The following DNAJC16 variants were observed in gnomAD, a reference collection of about 807,000 sequenced individuals.
DNAJC16 encodes the protein DnaJ heat shock protein family (Hsp40) member C16.
In DNAJC16, 76 loss-of-function variants were observed where a neutral mutation model predicts 92.7. The observed-to-expected ratio is 0.82, with a 90% CI of 0.68 to 0.99. The LOEUF is 0.99. Among genes scored for constraint, DNAJC16 ranks in the 50% least tolerant of loss-of-function variants. DNAJC16 has a pLI of 0.00. For synonymous variants in DNAJC16, 328 were observed against 358.7 expected, an observed-to-expected ratio of 0.91 and a Z score of 0.97; for missense variants, 869 against 942.4, an observed-to-expected ratio of 0.92 and a Z score of 1.02.
At chr1:15,560,155 G>A (rs1638659943) in intron 8 of DNAJC16, 1 of 151,362 alleles carries the variant, frequency 6.6e-6, no homozygotes. Flanking sequence ...GCACCAAATT[G>A]TCAGATGTGC....
At chr1:15,536,910 G>A in intron 4 of DNAJC16, 96 bp downstream of exon 4, 1 of 1,112,212 alleles carries the variant, frequency 9.0e-7, no homozygotes, top group South Asian at 1.7e-5. Flanking sequence ...GAGTACAGTG[G>A]TGTGATCTCG....
chr1:15,561,784 T>A (rs1226617003), intron 8 of DNAJC16, among the ~76,000 whole-genome samples: 1 of 152,008 alleles, frequency 6.6e-6, no homozygotes, highest in Non-Finnish European at 1.5e-5. Flanking sequence ...TCCCAACACT[T>A]TGGGAGCCTG....
chr1:15,565,251 G>C (rs78404635), intron 11 of DNAJC16: 1 of 152,508 alleles, frequency 6.6e-6, no homozygotes. Flanking sequence ...GGGAACCTCT[G>C]GTGCCCAGCA....
At chr1:15,549,441 C>A (rs1248761164) in intron 7 of DNAJC16, among the ~76,000 whole-genome samples, 2 of 152,188 alleles carry the variant, frequency 1.3e-5, no homozygotes, top group Non-Finnish European at 2.9e-5. Context: ...TGATCCACCC[C>A]ACTTACCCCT....
At chr1:15,532,631 T>G (rs1333691381) in intron 2 of DNAJC16, among the ~76,000 whole-genome samples, 1 of 152,210 alleles carries the variant, frequency 6.6e-6, no homozygotes, top group Admixed American at 6.5e-5. Context: ...ATTTGTATGA[T>G]TGCATAATTT....
intron 3 of DNAJC16, 121 bp from the exon 4 acceptor site, chr1:15,536,354 A>G (rs913418088): frequency 1.3e-6 from 1 of 782,868 alleles, no homozygotes; most frequent in Non-Finnish European, 2.0e-6. Flanking sequence ...TGCTGGGATT[A>G]CAGGTGTGAG....
intron 4 of DNAJC16, among the ~76,000 whole-genome samples, chr1:15,537,675 A>G (rs1438127676): frequency 6.6e-6 from 1 of 152,166 alleles, no homozygotes; most frequent in Non-Finnish European, 1.5e-5. Context: ...GTTCCCTTGC[A>G]TTGTGGTAAA....
intron 7 of DNAJC16, among the ~76,000 whole-genome samples, chr1:15,557,786 G>A (rs931608480): frequency 7.9e-5 from 12 of 151,478 alleles, no homozygotes; most frequent in African/African-American, 2.7e-4. Context: ...AGGCTGGAGT[G>A]TAGTGATGTC....
chr1:15,540,304 C>T (rs527934115), intron 4 of DNAJC16, among the ~76,000 whole-genome samples: 15 of 151,482 alleles, frequency 9.9e-5, no homozygotes, highest in Admixed American at 3.3e-4. Flanking sequence ...CTGGCCTGGG[C>T]GACAGAATGA....
In DNAJC16 at chr1:15,568,747, T is replaced by G. The variant is rs1570935262; in HGVS notation, c.*570T>G. 1 of 398,790 alleles carries G rather than the reference T, an allele frequency of 2.5e-6. No homozygotes were observed. Among genetic ancestry groups the G allele is most frequent in the Non-Finnish European group, 4.4e-6 (1 of 226,240 alleles). 24.7% of individuals were successfully genotyped at this position (398,790 alleles called of 1,614,324 possible). ...AGTGGCTAAATGTATATTTTGGGGG[T>G]ATCCCCCAACAACAGTTTGTTGGCC... On this transcript the variant is annotated 3_prime_UTR_variant, in exon 15 of 15. Coordinates refer to ENST00000375847, the MANE Select transcript of DNAJC16 (RefSeq NM_015291.4).
rs1341602066 is a variant in DNAJC16 at position 15,567,922 on chromosome 1, A to G, written c.2094A>G (p.Val698=). 1 of 1,614,250 alleles carries G rather than the reference A, an allele frequency of 6.2e-7. No homozygotes were observed. The highest frequency in any genetic ancestry group is 1.7e-5 in the Admixed American group (1 of 60,028). The change falls in exon 15 of 15, where the codon GTA becomes GTG. Residue 698 remains valine, a synonymous_variant. Transcript: ENST00000375847. ...HFMERDYTGY[V]LALNGHKKYF... ...TGGAGCGTGACTACACTGGTTATGTACTGGCTCTGAATGGCCACAAGAAAT... is the reference window on the plus strand; with the variant it reads ...TGGAGCGTGACTACACTGGTTATGTGCTGGCTCTGAATGGCCACAAGAAAT...
intron 7 of DNAJC16, among the ~76,000 whole-genome samples, chr1:15,556,660 TTC>T (rs1557584034): frequency 4.8e-5 from 4 of 83,046 alleles, no homozygotes; most frequent in Admixed American, 3.9e-4. Context: ...ACAATTTTAC[TTC>T]TTTTTTTTTC....
At chr1:15,565,830 GT>G (rs1638793376) in intron 11 of DNAJC16, 88 bp from the exon 12 acceptor site, 3 of 1,326,506 alleles carry the variant, frequency 2.3e-6, no homozygotes, top group Non-Finnish European at 3.2e-6. Context: ...GGTGTGAAGA[GT>G]TTTTGGTTTG....
chr1:15,555,991 CAAAA>C (rs750409441), intron 7 of DNAJC16, among the ~76,000 whole-genome samples: 1 of 92,736 alleles, frequency 1.1e-5, no homozygotes. Flanking sequence ...AACTCCATCT[CAAAA>C]AAAAAAAAAA....
intron 11 of DNAJC16, chr1:15,565,299 A>C (rs1022905688): frequency 1.9e-5 from 3 of 154,442 alleles, no homozygotes; most frequent in African/African-American, 7.2e-5. Context: ...GTATAGATGT[A>C]AAAGGAATGA....
intron 8 of DNAJC16, chr1:15,560,396 TGAG>T (rs1399338700): frequency 6.6e-6 from 1 of 152,170 alleles, no homozygotes; most frequent in East Asian, 1.9e-4. Context: ...TACAGAGTAT[TGAG>T]GAAATGGATT....
At chr1:15,558,299 C>A (rs575326457) in intron 7 of DNAJC16, among the ~76,000 whole-genome samples, 1 of 151,794 alleles carries the variant, frequency 6.6e-6, no homozygotes, top group East Asian at 1.9e-4. Context: ...CTCCCACCTC[C>A]ACCTCCCAGG....
At chr1:15,566,941 C>G in intron 13 of DNAJC16, 158 bp from the exon 14 acceptor site, 1 of 598,984 alleles carries the variant, frequency 1.7e-6, no homozygotes, top group Non-Finnish European at 2.8e-6. Context: ...ATTACCAAGT[C>G]AGGCCATCCC....
chr1:15,569,217 T>C lies in DNAJC16; in HGVS notation c.*1040T>C, dbSNP rs1245817308. 6.5e-6 allele frequency: 1 copy of C among 152,728 alleles called. No individual in the cohort carries two copies. Among genetic ancestry groups the C allele is most frequent in the African/African-American group, 2.4e-5 (1 of 41,464 alleles). 9.5% of individuals were successfully genotyped at this position (152,728 alleles called of 1,614,324 possible). ...ACTTAAAATTTCTCAACAATTGTAT[T>C]TTGAACACTGTTACCCTAAAAGTGC... On this transcript the variant is annotated 3_prime_UTR_variant, in exon 15 of 15. Coordinates refer to ENST00000375847, the MANE Select transcript of DNAJC16 (RefSeq NM_015291.4).
Sources: allele counts gnomAD v4.1 joint callset (sites outside exome capture counted in the v4.1 genomes callset), GRCh38; gene constraint gnomAD v4.1.1; transcripts MANE v1.5; gene names NCBI Gene and HGNC (gene_info 2026-07-23, HGNC 2026-07-21).